Variants in KCNK2 observed in about 807,000 individuals in gnomAD.
KCNK2 encodes potassium two pore domain channel subfamily K member 2, also known as potassium channel subfamily K member 2.
Under a neutral mutation model 40.5 loss-of-function variants are expected in KCNK2, and 21 were observed. That is an observed-to-expected ratio of 0.52 (90% CI 0.37 to 0.75). KCNK2 has a LOEUF of 0.75. KCNK2 is among the 30% of genes least tolerant of loss of function. The pLI is 0.00. For missense variants in KCNK2, 399 were observed against 531.6 expected (o/e 0.75, Z 2.45); for synonymous variants, 191 against 202.2 (o/e 0.94, Z 0.47).
In KCNK2 at chr1:215,147,941, A is replaced by G. The variant is rs2102608580; in HGVS notation, c.476-21258A>G. ...GTTGCTTATTGAGGGCATCTCCTAA[A>G]TGTATGTTGCTCTTTTTTCTCATCC... On this transcript the variant is annotated intron_variant, in intron 3 of 6. Coordinates refer to ENST00000444842, the MANE Select transcript of KCNK2 (RefSeq NM_001017425.3). Among the ~76,000 whole-genome samples the G allele has an allele frequency of 2.0e-5, 3 of 152,252 alleles. No homozygotes were observed. In the Middle Eastern group the frequency reaches 0.01, roughly 518 times the overall value.
rs1219544444 is a variant in KCNK2, at chr1:215,189,210, AC to A, written c.824-5741del. 1.1e-4 allele frequency among the ~76,000 whole-genome samples: 16 copies of A among 152,244 alleles called. No individual in the cohort carries two copies. In the South Asian group the frequency reaches 2.5e-3, roughly 24 times the overall value. On this transcript the variant is annotated intron_variant, in intron 5 of 6. Coordinates refer to ENST00000444842, the MANE Select transcript of KCNK2 (RefSeq NM_001017425.3). ...CAGAAGTCTTAGGGACTGTGGACAA[AC>A]CAAAAAGTTACTTAACTTTTAGGGT...
At chr1:215,203,963 G>A (rs571545317) in intron 6 of KCNK2, among the ~76,000 whole-genome samples, 4 of 150,026 alleles carry the variant, frequency 2.7e-5, no homozygotes, top group Non-Finnish European at 5.9e-5. Flanking sequence ...GTGTGAACCC[G>A]GGAGGTGGAG....
At chr1:215,208,409 C>T (rs1665410022) in intron 6 of KCNK2, among the ~76,000 whole-genome samples, 1 of 152,110 alleles carries the variant, frequency 6.6e-6, no homozygotes, top group Non-Finnish European at 1.5e-5. Flanking sequence ...GGGTACCGGG[C>T]TTAATACCTT....
At chr1:215,142,476 T>G (rs1662227089) in intron 3 of KCNK2, among the ~76,000 whole-genome samples, 1 of 152,174 alleles carries the variant, frequency 6.6e-6, no homozygotes, top group South Asian at 2.1e-4. Context: ...TATATAGCTT[T>G]GGGGAAAACT....
At chr1:215,013,629 G>A (rs12131478) in intron 1 of KCNK2, among the ~76,000 whole-genome samples, 44,129 of 151,858 alleles carry the variant, frequency 0.29, 6,885 homozygotes, top group South Asian at 0.54. Flanking sequence ...ACCACCAAAC[G>A]GATTTTGCAT....
At chr1:215,101,578 T>G (rs1454515271) in intron 2 of KCNK2, among the ~76,000 whole-genome samples, 1 of 151,970 alleles carries the variant, frequency 6.6e-6, no homozygotes, top group Non-Finnish European at 1.5e-5. Flanking sequence ...ACAAGTGGTC[T>G]GGGCTTTAGG....
chr1:215,029,534 A>C (rs1657112421), intron 1 of KCNK2, among the ~76,000 whole-genome samples: 1 of 147,252 alleles, frequency 6.8e-6, no homozygotes, highest in Non-Finnish European at 1.5e-5. Context: ...TTAAATATAA[A>C]TATATCCAAA....
intron 3 of KCNK2, among the ~76,000 whole-genome samples, chr1:215,136,091 T>C (rs1372550468): frequency 1.3e-5 from 2 of 151,584 alleles, no homozygotes; most frequent in African/African-American, 4.8e-5. Context: ...TTCAAAATAG[T>C]GTATAATGTT....
chr1:215,139,553 G>C (rs936281524), intron 3 of KCNK2, among the ~76,000 whole-genome samples: 1 of 152,142 alleles, frequency 6.6e-6, no homozygotes, highest in Non-Finnish European at 1.5e-5. Context: ...GGAGGCCAAG[G>C]TGGGTGGATC....
rs17024402 is a variant in KCNK2, at chr1:215,198,387, G to A, written c.963+3295G>A. Among the ~76,000 whole-genome samples, 1,094 of 152,202 alleles carry A rather than the reference G, an allele frequency of 7.2e-3. 15 individuals are homozygous for A. Among genetic ancestry groups the A allele is most frequent in the African/African-American group, 0.025 (1,039 of 41,522 alleles). On this transcript the variant is annotated intron_variant, in intron 6 of 6. Coordinates refer to ENST00000444842, the MANE Select transcript of KCNK2 (RefSeq NM_001017425.3). ...AATGTAATTTAGGGAACTGCAAAATGGGGTCATGAATTCAACAGAGAATGT... is the reference window on the plus strand; with the variant it reads ...AATGTAATTTAGGGAACTGCAAAATAGGGTCATGAATTCAACAGAGAATGT...
chr1:215,073,021 T>C lies in KCNK2; in HGVS notation c.35-13347T>C, dbSNP rs528229574. 5.3e-4 allele frequency among the ~76,000 whole-genome samples: 80 copies of C among 152,074 alleles called. 1 individual carries two copies. Among genetic ancestry groups the C allele is most frequent in the African/African-American group, 1.8e-3 (75 of 41,482 alleles). The stretch of plus-strand genomic sequence containing the variant: ...ATAGACCTTAATCCAATATGAATGG[T>C]GTCCTTTAAAAAGGGGGAAATTTGG... On this transcript the variant is annotated intron_variant, in intron 1 of 6. Transcript: ENST00000391895.
At chr1:215,026,856 CCTTAT>C (rs1472467184) in intron 1 of KCNK2, among the ~76,000 whole-genome samples, 8 of 151,870 alleles carry the variant, frequency 5.3e-5, no homozygotes, top group Non-Finnish European at 8.8e-5. Context: ...ATACATACGT[CCTTAT>C]CTTAGGAAGA....
At chr1:215,172,355 T>C (rs895078613) in intron 5 of KCNK2, among the ~76,000 whole-genome samples, 172 bp downstream of exon 5, 1 of 152,116 alleles carries the variant, frequency 6.6e-6, no homozygotes, top group Non-Finnish European at 1.5e-5. Flanking sequence ...CTCACAGAAG[T>C]TGGAAATCAA....
chr1:215,116,582 A>G (rs1463330204), intron 2 of KCNK2, among the ~76,000 whole-genome samples: 2 of 152,072 alleles, frequency 1.3e-5, no homozygotes, highest in Non-Finnish European at 1.5e-5. Flanking sequence ...TGTACACTTC[A>G]TTAGTCTGTT....
At chr1:215,062,185 G>A (rs546442452) in intron 1 of KCNK2, among the ~76,000 whole-genome samples, 188 of 152,138 alleles carry the variant, frequency 1.2e-3, no homozygotes, top group African/African-American at 4.8e-5. Flanking sequence ...TCAAAAGGCC[G>A]AAAATTGCTC....
intron 1 of KCNK2, among the ~76,000 whole-genome samples, chr1:215,056,350 G>A (rs1271346162): frequency 6.7e-6 from 1 of 150,032 alleles, no homozygotes; most frequent in African/African-American, 2.4e-5. Flanking sequence ...TACCTGAAGG[G>A]GTGGCTTATA....
chr1:215,044,833 G>GCACA (rs113136371), intron 1 of KCNK2, among the ~76,000 whole-genome samples: 12 of 141,320 alleles, frequency 8.5e-5, no homozygotes, highest in African/African-American at 3.1e-4. Flanking sequence ...GTGTGCGCGC[G>GCACA]CACACGTGTG....
At chr1:215,100,962 C>T (rs190094846) in intron 2 of KCNK2, among the ~76,000 whole-genome samples, 42 of 152,054 alleles carry the variant, frequency 2.8e-4, no homozygotes, top group African/African-American at 9.4e-4. Flanking sequence ...TTCTGAATCC[C>T]TACTTAGAAA....
chr1:215,146,013 G>A (rs1662398167), intron 3 of KCNK2, among the ~76,000 whole-genome samples: 1 of 152,076 alleles, frequency 6.6e-6, no homozygotes, highest in Non-Finnish European at 1.5e-5. Flanking sequence ...ATTGGCTTGA[G>A]CTTCAGATAA....
Sources: allele counts gnomAD v4.1 joint callset (sites outside exome capture counted in the v4.1 genomes callset), GRCh38; gene constraint gnomAD v4.1.1; transcripts MANE v1.5; gene names NCBI Gene and HGNC (gene_info 2026-07-23, HGNC 2026-07-21).